TTC1: variants seen among roughly 807,000 people sequenced by gnomAD.
TTC1 encodes the protein tetratricopeptide repeat protein 1.
Under a neutral mutation model 37.6 loss-of-function variants are expected in TTC1, and 31 were observed. The ratio of observed to expected loss-of-function variants is 0.82; its 90% CI spans 0.62 to 1.11. The LOEUF is 1.11. Among genes scored for constraint, TTC1 ranks in the 50% most tolerant of loss-of-function variants. TTC1 has a pLI of 0.00. For missense variants in TTC1, 351 were observed against 339.0 expected, an observed-to-expected ratio of 1.04 and a Z score of -0.28; for synonymous variants, 127 against 122.4, an observed-to-expected ratio of 1.04 and a Z score of -0.25.
At chr5:160,033,771 G>A (rs913977635) in intron 2 of TTC1, among the ~76,000 whole-genome samples, 7 of 152,234 alleles carry the variant, frequency 4.6e-5, no homozygotes, top group Middle Eastern at 3.2e-3. Context: ...CCCTTGACCC[G>A]TGGGGATATT....
chr5:160,061,060 T>C (rs1753373001), intron 7 of TTC1, among the ~76,000 whole-genome samples: 1 of 152,250 alleles, frequency 6.6e-6, no homozygotes, highest in African/African-American at 2.4e-5. Flanking sequence ...AGTGGCCTCC[T>C]GTGGCACGGG....
At chr5:160,013,761 A>G (rs1308768478) in intron 2 of TTC1, among the ~76,000 whole-genome samples, 1 of 149,968 alleles carries the variant, frequency 6.7e-6, no homozygotes. Context: ...AAAAAAAAAT[A>G]CTAACTAAAA....
Position 160,010,745 on chromosome 5 carries a change from G to T in TTC1, c.217G>T (p.Glu73Ter), listed in dbSNP as rs1756487421. 1 of 1,614,166 alleles carries T rather than the reference G, an allele frequency of 6.2e-7. No individual in the cohort carries two copies. The highest frequency in any genetic ancestry group is 8.5e-7 in the Non-Finnish European group (1 of 1,180,012). ...TGACTGCAGTGCCTCATTTGAGGAG[G>T]AGCCAGGAGCGGACAAGGTTGAGAA... ...FHDCSASFEE[E>*]PGADKVENKS... The change falls in exon 2 of 8, where the codon GAG becomes TAG. Residue 73 changes from glutamate to a stop codon, truncating the protein, a stop_gained. Transcript: ENST00000231238. LOFTEE classifies it high-confidence loss of function.
At chr5:160,039,100 G>A (rs546700949) in intron 4 of TTC1, 1 of 152,242 alleles carries the variant, frequency 6.6e-6, no homozygotes, top group South Asian at 2.1e-4. Context: ...TGCTTTAAGA[G>A]GTAAAGATGA....
Position 160,045,554 on chromosome 5 carries a change from C to CTCT in TTC1, c.541+2385_541+2386insTCT, listed in dbSNP as rs1310066249. Among the ~76,000 whole-genome samples, 479 of 116,006 alleles carry CTCT rather than the reference C, an allele frequency of 4.1e-3. 9 individuals are homozygous for CTCT. Among genetic ancestry groups the CTCT allele is most frequent in the East Asian group, 0.015 (47 of 3,224 alleles). The allele number at this position is 116,006 out of a possible 152,430, so 76.1% of individuals were successfully genotyped here. A position where few individuals can be genotyped will look rare whatever the true frequency, so the allele number is the denominator to read the frequency against. On this transcript the variant is annotated intron_variant, in intron 5 of 7. Coordinates refer to ENST00000231238, the MANE Select transcript of TTC1 (RefSeq NM_003314.3). ...CTCTCTCTCTCTCTCTCTCTCTCTC[C>CTCT]CCCTCCCCTCTCTCAATCTCTCAAT...
At chr5:160,015,221 G>T (rs1756579368) in intron 2 of TTC1, among the ~76,000 whole-genome samples, 2 of 152,070 alleles carry the variant, frequency 1.3e-5, no homozygotes, top group African/African-American at 4.8e-5. Flanking sequence ...TTTTCTTCTT[G>T]TGTTTTGAGC....
At chr5:160,042,216 C>T (rs541202560) in intron 4 of TTC1, among the ~76,000 whole-genome samples, 46 of 152,320 alleles carry the variant, frequency 3.0e-4, no homozygotes, top group East Asian at 9.6e-4. Context: ...AGGCATGAGC[C>T]GCTGCGTCCA....
chr5:160,064,791 C>T, intron 7 of TTC1, 141 bp from the exon 8 acceptor site: 1 of 906,612 alleles, frequency 1.1e-6, no homozygotes, highest in Non-Finnish European at 1.6e-6. Context: ...TGGAAGCTTT[C>T]ATCATATTAA....
chr5:160,038,125 TCAAAGCA>T (rs1257380622), intron 4 of TTC1, among the ~76,000 whole-genome samples: 2 of 152,118 alleles, frequency 1.3e-5, no homozygotes, highest in Non-Finnish European at 2.9e-5. Context: ...GATTCAATCT[TCAAAGCA>T]GAGTATTTTT....
intron 2 of TTC1, among the ~76,000 whole-genome samples, chr5:160,034,134 T>TC (rs1756964264): frequency 6.6e-6 from 1 of 151,720 alleles, no homozygotes; most frequent in Non-Finnish European, 1.5e-5. Context: ...CTCTTTTTTT[T>TC]TTTTTTTTTT....
At chr5:160,029,460 A>T (rs2113361533) in intron 2 of TTC1, among the ~76,000 whole-genome samples, 1 of 138,774 alleles carries the variant, frequency 7.2e-6, no homozygotes, top group East Asian at 2.2e-4. Context: ...TAGGCAACAT[A>T]GTGAGACCCC....
intron 2 of TTC1, chr5:160,024,061 T>G: frequency 8.8e-7 from 1 of 1,142,612 alleles, no homozygotes; most frequent in East Asian, 2.4e-5. Flanking sequence ...ATACTCTGGT[T>G]AGCATGTAAG....
chr5:160,037,962 A>G (rs560115972), intron 4 of TTC1, among the ~76,000 whole-genome samples: 1 of 152,180 alleles, frequency 6.6e-6, no homozygotes, highest in East Asian at 1.9e-4. Flanking sequence ...GAAATTCTCA[A>G]ATGCCTCTAC....
At chr5:160,041,874 A>G (rs1408969276) in intron 4 of TTC1, among the ~76,000 whole-genome samples, 3 of 152,162 alleles carry the variant, frequency 2.0e-5, no homozygotes. Context: ...AGCCAACACC[A>G]CTATCTAGTT....
chr5:160,036,583 CA>C, intron 3 of TTC1, 107 bp from the exon 4 acceptor site: 1 of 743,024 alleles, frequency 1.3e-6, no homozygotes, highest in East Asian at 2.6e-5. Flanking sequence ...TCTTTTAACT[CA>C]AAACCTTCAT....
chr5:160,019,066 A>AT (rs1491211219), intron 2 of TTC1, among the ~76,000 whole-genome samples: 1 of 152,142 alleles, frequency 6.6e-6, no homozygotes, highest in African/African-American at 2.4e-5. Flanking sequence ...GCAAACAAAC[A>AT]TTTTTTATTT....
In TTC1 at chr5:160,065,077, A is replaced by G; in HGVS notation, c.*12A>G. 3 of 1,606,542 alleles carry G rather than the reference A, an allele frequency of 1.9e-6. No individual in the cohort carries two copies. Among genetic ancestry groups the G allele is most frequent in the Non-Finnish European group, 2.5e-6 (3 of 1,178,452 alleles). On this transcript the variant is annotated 3_prime_UTR_variant, in exon 8 of 8. Transcript: ENST00000231238. ...ATAATAACAGATAACAAAGATAACAAAAGCTTTACAAGCTGACTTGGAATT... is the reference window on the plus strand; with the variant it reads ...ATAATAACAGATAACAAAGATAACAGAAGCTTTACAAGCTGACTTGGAATT...
At chr5:160,013,065 T>C (rs1235744353) in intron 2 of TTC1, among the ~76,000 whole-genome samples, 4 of 152,226 alleles carry the variant, frequency 2.6e-5, no homozygotes, top group Admixed American at 2.6e-4. Context: ...GTCTAAGTGT[T>C]TTCATAGCTA....
intron 2 of TTC1, among the ~76,000 whole-genome samples, chr5:160,031,629 A>G (rs1046221949): frequency 6.6e-6 from 1 of 152,062 alleles, no homozygotes; most frequent in Non-Finnish European, 1.5e-5. Context: ...AAATAAATAA[A>G]TAAATAAAAA....
Sources: allele counts gnomAD v4.1 joint callset (sites outside exome capture counted in the v4.1 genomes callset), GRCh38; gene constraint gnomAD v4.1.1; transcripts MANE v1.5; gene names NCBI Gene and HGNC (gene_info 2026-07-23, HGNC 2026-07-21).